The following DEUP1 variants were observed in gnomAD, a reference collection of about 807,000 sequenced individuals.
The protein encoded by DEUP1 is coiled-coil domain containing 67.
DEUP1 carries 82 observed loss-of-function variants against 87.4 expected under a neutral mutation model. The observed-to-expected ratio is 0.94, with a 90% CI of 0.78 to 1.13. DEUP1 has a LOEUF of 1.13. DEUP1 is among the 50% of genes most tolerant of loss of function. The pLI, the probability that DEUP1 is intolerant of heterozygous loss-of-function variation, is 0.00. For synonymous variants in DEUP1, 214 were observed against 222.7 expected (o/e 0.96, Z 0.35); for missense variants, 663 against 681.5 (o/e 0.97, Z 0.30).
intron 11 of DEUP1, among the ~76,000 whole-genome samples, chr11:93,400,326 C>A (rs76974419): frequency 6.6e-6 from 1 of 152,136 alleles, no homozygotes; most frequent in African/African-American, 2.4e-5. Context: ...ATTGCCTCTT[C>A]CTGAATTCTG....
chr11:93,359,542 A>G (rs1213890033), intron 4 of DEUP1, among the ~76,000 whole-genome samples: 1 of 152,306 alleles, frequency 6.6e-6, no homozygotes, highest in East Asian at 1.9e-4. Flanking sequence ...AGAATGTCAC[A>G]ATAGTGAGTT....
At chr11:93,355,908 G>T (rs534281143) in intron 3 of DEUP1, among the ~76,000 whole-genome samples, 1 of 152,308 alleles carries the variant, frequency 6.6e-6, no homozygotes, top group African/African-American at 2.4e-5. Context: ...AGTAACATTT[G>T]CTTCTTTGAA....
At chr11:93,357,533 T>C (rs776880980) in intron 4 of DEUP1, 4 of 152,720 alleles carry the variant, frequency 2.6e-5, no homozygotes, top group Non-Finnish European at 5.8e-5. Flanking sequence ...TTGAGAAGGA[T>C]ACAGATTTCT....
At chr11:93,330,968 CA>C (rs1943442745) in intron 1 of DEUP1, among the ~76,000 whole-genome samples, 196 bp downstream of exon 1, 2 of 152,236 alleles carry the variant, frequency 1.3e-5, no homozygotes, top group Non-Finnish European at 2.9e-5. Context: ...CCCGCGCTTG[CA>C]AATCCAGAGC....
At chr11:93,393,320 T>TA (rs988472612) in intron 9 of DEUP1, among the ~76,000 whole-genome samples, 1 of 151,736 alleles carries the variant, frequency 6.6e-6, no homozygotes, top group Non-Finnish European at 1.5e-5. Flanking sequence ...CCTTTTTATT[T>TA]TTTTTATTTT....
At chr11:93,429,874 C>T (rs749634706) in intron 13 of DEUP1, among the ~76,000 whole-genome samples, 1 of 152,114 alleles carries the variant, frequency 6.6e-6, no homozygotes, top group Non-Finnish European at 1.5e-5. Context: ...ATTCTCAACT[C>T]TTCTAGGAAC....
chr11:93,436,453 GAA>G (rs1282321215), intron 13 of DEUP1, among the ~76,000 whole-genome samples: 4 of 152,144 alleles, frequency 2.6e-5, no homozygotes, highest in Non-Finnish European at 5.9e-5. Context: ...ATATTAAAAA[GAA>G]TGCATTTGCC....
At chr11:93,354,596 T>G (rs1183337260) in intron 2 of DEUP1, among the ~76,000 whole-genome samples, 3 of 152,196 alleles carry the variant, frequency 2.0e-5, no homozygotes, top group Non-Finnish European at 4.4e-5. Flanking sequence ...TCCACATGGC[T>G]GGGGAGGCCT....
At chr11:93,386,698 G>A (rs917021571) in intron 8 of DEUP1, among the ~76,000 whole-genome samples, 1 of 152,160 alleles carries the variant, frequency 6.6e-6, no homozygotes, top group Admixed American at 6.5e-5. Context: ...GATGGTGACA[G>A]AATGCCTATT....
intron 2 of DEUP1, among the ~76,000 whole-genome samples, chr11:93,336,975 T>C (rs556086360): frequency 6.6e-6 from 1 of 152,296 alleles, no homozygotes; most frequent in East Asian, 1.9e-4. Flanking sequence ...AAATTCTCAT[T>C]TTTCTCTACT....
chr11:93,386,422 T>C (rs893511760), intron 8 of DEUP1, among the ~76,000 whole-genome samples: 1 of 152,254 alleles, frequency 6.6e-6, no homozygotes, highest in Admixed American at 6.5e-5. Flanking sequence ...TAATAGTTCA[T>C]TGATGCTCTT....
At position 93,427,012 on chromosome 11, in the gene DEUP1, G is replaced by GA. The variant is rs1215051153; in HGVS notation, c.1639-10512dup. The stretch of plus-strand genomic sequence containing the variant: ...AGTATAATAAAAAAAAAAAAAAAAA[G>GA]AAAAAAAAAAAAAAAAAAAGAAAAT... On this transcript the variant is annotated intron_variant, in intron 13 of 13. Transcript: ENST00000298050. Among the ~76,000 whole-genome samples, 26 of 11,850 alleles carry GA rather than the reference G, an allele frequency of 2.2e-3. 1 individual carries two copies. Among genetic ancestry groups the GA allele is most frequent in the African/African-American group, 2.9e-3 (7 of 2,422 alleles). 7.8% of individuals were successfully genotyped at this position (11,850 alleles called of 152,430 possible). A position where few individuals can be genotyped will look rare whatever the true frequency, so the allele number is the denominator to read the frequency against.
At chr11:93,348,887 A>G (rs1003072) in intron 2 of DEUP1, among the ~76,000 whole-genome samples, 17,631 of 152,206 alleles carry the variant, frequency 0.12, 1,578 homozygotes, top group East Asian at 0.35. Flanking sequence ...TGATGTATAT[A>G]TATACATACA....
intron 12 of DEUP1, 126 bp from the exon 13 acceptor site, chr11:93,414,874 G>A (rs1048860279): frequency 2.2e-6 from 1 of 447,068 alleles, no homozygotes; most frequent in Non-Finnish European, 4.0e-6. Context: ...AAACACCCAG[G>A]TAACAAGCCC....
chr11:93,414,533 A>C (rs982117572), intron 12 of DEUP1, among the ~76,000 whole-genome samples: 5 of 151,930 alleles, frequency 3.3e-5, no homozygotes, highest in African/African-American at 1.2e-4. Context: ...TAAATAAATA[A>C]AATAAAAGAC....
intron 2 of DEUP1, among the ~76,000 whole-genome samples, chr11:93,349,007 G>T (rs1257928410): frequency 6.6e-6 from 1 of 152,120 alleles, no homozygotes; most frequent in Non-Finnish European, 1.5e-5. Flanking sequence ...AAGCTCAGAT[G>T]TTACCTCATT....
chr11:93,418,674 A>T (rs1947739409), intron 13 of DEUP1, among the ~76,000 whole-genome samples: 3 of 152,144 alleles, frequency 2.0e-5, no homozygotes, highest in African/African-American at 7.2e-5. Flanking sequence ...CAGCCATCCC[A>T]TTCCTGGGTA....
intron 4 of DEUP1, among the ~76,000 whole-genome samples, 185 bp from the exon 5 acceptor site, chr11:93,363,975 G>A (rs1047344593): frequency 2.0e-5 from 3 of 151,888 alleles, no homozygotes; most frequent in African/African-American, 7.2e-5. Flanking sequence ...AAGCTGAATT[G>A]TGTTCAGCTT....
At chr11:93,378,278 C>T (rs1366266002) in intron 7 of DEUP1, among the ~76,000 whole-genome samples, 3 of 152,166 alleles carry the variant, frequency 2.0e-5, no homozygotes, top group African/African-American at 7.2e-5. Flanking sequence ...TGATCCCAAA[C>T]TTCTTGGAGG....
Sources: allele counts gnomAD v4.1 joint callset (sites outside exome capture counted in the v4.1 genomes callset), GRCh38; gene constraint gnomAD v4.1.1; transcripts MANE v1.5; gene names NCBI Gene and HGNC (gene_info 2026-07-23, HGNC 2026-07-21).